Variants in PCIF1 observed in about 807,000 individuals in gnomAD.
PCIF1 encodes phosphorylated CTD interacting factor 1.
Under a neutral mutation model 86.9 loss-of-function variants are expected in PCIF1, and 12 were observed. The ratio of observed to expected loss-of-function variants is 0.14; its 90% CI spans 0.09 to 0.22. PCIF1 has a LOEUF of 0.22. Ranked by LOEUF, PCIF1 falls within the 10% of genes least tolerant of loss-of-function variation. The pLI, the probability that PCIF1 is intolerant of heterozygous loss-of-function variation, is 1.00. For missense variants in PCIF1, 701 were observed against 951.1 expected (o/e 0.74, Z 3.46); for synonymous variants, 397 against 372.0 (o/e 1.07, Z -0.77).
At position 45,947,122 on chromosome 20, in the gene PCIF1, C is replaced by T; in HGVS notation, c.1663C>T (p.Pro555Ser). The T allele has an allele frequency of 1.2e-6, 2 of 1,613,722 alleles. No homozygotes were observed. Among genetic ancestry groups the T allele is most frequent in the South Asian group, 2.2e-5 (2 of 91,072 alleles). ...GAGTGGTTCATTTGAGGCCAACCCT[C>T]CCTTCTGCGAGGAGCTCATGGATGC... ...PLSGSFEANP[P>S]FCEELMDAMV... is the part of the protein sequence containing the mutation. Residue 555 changes from proline (P) to serine (S), a missense_variant, in exon 15 of 17, where the codon CCC (proline) becomes TCC (serine). By Grantham distance (74) the Pro-to-Ser change is moderately conservative. Coordinates refer to ENST00000372409, the MANE Select transcript of PCIF1 (RefSeq NM_022104.4). The surrounding 1 kb of genome is among the most constrained non-coding windows in gnomAD (Gnocchi z 5.4).
chr20:45,934,694 GC>G lies in PCIF1; in HGVS notation c.-295del, dbSNP rs905382340. ...AGCGCATGCGCAGCGCGGAGTCCCGGCCCGGGACACAAGATGGCGGCAGCGG... is the reference window on the plus strand; with the variant it reads ...AGCGCATGCGCAGCGCGGAGTCCCGGCCGGGACACAAGATGGCGGCAGCGG... On this transcript the variant is annotated 5_prime_UTR_variant, in exon 1 of 17. Coordinates refer to ENST00000372409, the MANE Select transcript of PCIF1 (RefSeq NM_022104.4). 1.5e-5 allele frequency: 6 copies of G among 398,732 alleles called. No homozygotes were observed. The highest frequency in any genetic ancestry group is 1.2e-4 in the African/African-American group (6 of 48,728). 24.7% of individuals were successfully genotyped at this position (398,732 alleles called of 1,614,324 possible). A position where few individuals can be genotyped will look rare whatever the true frequency, so the allele number is the denominator to read the frequency against.
intron 7 of PCIF1, among the ~76,000 whole-genome samples, chr20:45,941,461 T>G (rs1273596601): frequency 2.6e-4 from 40 of 152,238 alleles, no homozygotes; most frequent in Non-Finnish European, 4.4e-5. Context: ...TTTTATTTAT[T>G]TATTTTTTTT....
chr20:45,940,747 G>C, intron 5 of PCIF1, 62 bp from the exon 6 acceptor site: 1 of 1,598,502 alleles, frequency 6.3e-7, no homozygotes, highest in African/African-American at 1.3e-5. Flanking sequence ...GGTGTGCACT[G>C]TATTGGATGG....
chr20:45,935,420 C>T (rs2083415402), intron 1 of PCIF1, among the ~76,000 whole-genome samples: 1 of 152,130 alleles, frequency 6.6e-6, no homozygotes, highest in African/African-American at 2.4e-5. Context: ...AGCGGTAATT[C>T]TCAAACTGCG....
rs769122920 is a variant in PCIF1 at position 45,947,220 on chromosome 20, T to G, written c.1708-43T>G. On this transcript the variant is annotated intron_variant, in intron 15 of 16. Coordinates refer to ENST00000372409, the MANE Select transcript of PCIF1 (RefSeq NM_022104.4). This position sits in a 1 kb window ranked among gnomAD's most constrained non-coding sequence, Gnocchi z 5.4. ...GCAACAGGCAGGATTGCCAGCCACC[T>G]GGGAGGTAGTCCCTGACATCCACCC... is the stretch of plus-strand genomic sequence containing the variant. The G allele has an allele frequency of 4.2e-5, 67 of 1,600,540 alleles. No individual in the cohort carries two copies. The highest frequency in any genetic ancestry group is 5.5e-5 in the Non-Finnish European group (64 of 1,169,816).
In PCIF1 at chr20:45,946,050, T is replaced by A; in HGVS notation, c.1363T>A (p.Cys455Ser). The change falls in exon 13 of 17, where the codon TGC becomes AGC. Residue 455 changes from cysteine (C) to serine (S), a missense_variant. By Grantham distance (112) the Cys-to-Ser change is moderately radical. Coordinates refer to ENST00000372409, the MANE Select transcript of PCIF1 (RefSeq NM_022104.4). Reference protein sequence around the residue: ...SKLWLLYRYSCIDDSAFERFL... With the variant: ...SKLWLLYRYSSIDDSAFERFL... ...ACAGTGGCTCCTTTACCGCTACAGC[T>A]GCATTGATGACTCTGCCTTTGAGAG... 1 of 1,614,184 alleles carries A rather than the reference T, an allele frequency of 6.2e-7. No individual in the cohort carries two copies. The highest frequency in any genetic ancestry group is 8.5e-7 in the Non-Finnish European group (1 of 1,180,034).
rs755385891 is a variant in PCIF1, at chr20:45,943,254, C to T, written c.821+10C>T. 1 of 1,614,194 alleles carries T rather than the reference C, an allele frequency of 6.2e-7. No individual in the cohort carries two copies. The highest frequency in any genetic ancestry group is 8.5e-7 in the Non-Finnish European group (1 of 1,180,032). On this transcript the variant is annotated intron_variant, in intron 8 of 16. Coordinates refer to ENST00000372409, the MANE Select transcript of PCIF1 (RefSeq NM_022104.4). This position sits in a 1 kb window ranked among gnomAD's most constrained non-coding sequence, Gnocchi z 5.5. ...ACGACATTCCTATCAGGTACAGCTCCACAGCTGGGGATGACCCTGGGCCAT... is the reference window on the plus strand; with the variant it reads ...ACGACATTCCTATCAGGTACAGCTCTACAGCTGGGGATGACCCTGGGCCAT...
Position 45,940,723 on chromosome 20 carries a change from G to GAC in PCIF1, c.388-82_388-81dup, listed in dbSNP as rs1245044566. The GAC allele has an allele frequency of 1.9e-6, 3 of 1,569,476 alleles. No homozygotes were observed. In the African/African-American group the frequency reaches 4.1e-5, roughly 21 times the overall value. On this transcript the variant is annotated intron_variant, in intron 5 of 16. Transcript: ENST00000372409. ...CAGGCCAGCCAGGAGGGGGGCCTGG[G>GAC]ACACAGTTCACCAGGTGTGCACTGT...
At chr20:45,938,249 T>C (rs2083442544) in intron 2 of PCIF1, among the ~76,000 whole-genome samples, 1 of 152,228 alleles carries the variant, frequency 6.6e-6, no homozygotes, top group Non-Finnish European at 1.5e-5. Context: ...GTCAATTAGA[T>C]AGTCCTTCTT....
At chr20:45,936,341 A>ATTTTTTTTTT (rs746165752) in intron 1 of PCIF1, among the ~76,000 whole-genome samples, 1 of 109,708 alleles carries the variant, frequency 9.1e-6, no homozygotes, top group African/African-American at 3.5e-5. Context: ...CGCCGGGCTA[A>ATTTTTTTTTT]TTTTTTTTTT....
At chr20:45,945,944 C>T (rs2083521340) in intron 12 of PCIF1, 61 bp downstream of exon 12, 9 of 1,612,968 alleles carry the variant, frequency 5.6e-6, no homozygotes, top group African/African-American at 1.3e-5. Flanking sequence ...AGGATCTTTC[C>T]TGAGCAGAGT....
chr20:45,945,051 G>A (rs371860059), intron 11 of PCIF1, 21 bp downstream of exon 11: 18 of 1,584,392 alleles, frequency 1.1e-5, no homozygotes, highest in Non-Finnish European at 1.5e-5. Flanking sequence ...GGTGAAGGAG[G>A]AGCCAGCTGT....
chr20:45,947,604 C>T lies in PCIF1; in HGVS notation c.1964C>T (p.Pro655Leu), dbSNP rs1448782034. 3.1e-6 allele frequency: 5 copies of T among 1,613,210 alleles called. No homozygotes were observed. The highest frequency in any genetic ancestry group is 1.3e-5 in the African/African-American group (1 of 75,058). ...QNDPGFAKWAPTPERLQELSA... is the reference protein window; with the variant it reads ...QNDPGFAKWALTPERLQELSA... Reference sequence around the variant, plus strand: ...GACCCTGGCTTTGCCAAGTGGGCGCCGACGCCTGAACGGCTGCAGGAGCTG... The same window carrying T: ...GACCCTGGCTTTGCCAAGTGGGCGCTGACGCCTGAACGGCTGCAGGAGCTG... Residue 655 changes from proline to leucine, a missense_variant, in exon 17 of 17, where the codon CCG becomes CTG. Transcript: ENST00000372409. This position sits in a 1 kb window ranked among gnomAD's most constrained non-coding sequence, Gnocchi z 5.4.
At chr20:45,938,510 T>C (rs918467408) in intron 2 of PCIF1, among the ~76,000 whole-genome samples, 1 of 152,208 alleles carries the variant, frequency 6.6e-6, no homozygotes. Context: ...GAATCAGTAG[T>C]GCTCCTGTTG....
intron 1 of PCIF1, among the ~76,000 whole-genome samples, chr20:45,936,250 C>T (rs1274815383): frequency 6.6e-6 from 1 of 152,046 alleles, no homozygotes; most frequent in East Asian, 1.9e-4. Flanking sequence ...TCTCAGCTCA[C>T]TGCAACCTCC....
intron 2 of PCIF1, among the ~76,000 whole-genome samples, chr20:45,938,639 G>C (rs550554903): frequency 6.6e-6 from 1 of 152,310 alleles, no homozygotes; most frequent in East Asian, 1.9e-4. Flanking sequence ...CCATCTGAGT[G>C]CTACGACAGA....
At position 45,947,181 on chromosome 20, in the gene PCIF1, A is replaced by G. The variant is rs373279577; in HGVS notation, c.1707+15A>G. 3 of 1,608,106 alleles carry G rather than the reference A, an allele frequency of 1.9e-6. No homozygotes were observed. Among genetic ancestry groups the G allele is most frequent in the Non-Finnish European group, 2.6e-6 (3 of 1,175,550 alleles). On this transcript the variant is annotated intron_variant, in intron 15 of 16. Transcript: ENST00000372409. This position sits in a 1 kb window ranked among gnomAD's most constrained non-coding sequence, Gnocchi z 5.4. ...CTCACTTTGAGGTGGGTGCACTGCC[A>G]GGGTGAGAGGTGGGCAACAGGCAGG...
rs765882874 is a variant in PCIF1, at chr20:45,937,538, C to T, written c.-67C>T. On this transcript the variant is annotated 5_prime_UTR_variant, in exon 2 of 17. Coordinates refer to ENST00000372409, the MANE Select transcript of PCIF1 (RefSeq NM_022104.4). ...CTGTGGGACCCTGTGGGGGTCCATC[C>T]GGCTGGAGAAGAAAAGCCTCTCATG... 147 of 399,070 alleles carry T rather than the reference C, an allele frequency of 3.7e-4. No homozygotes were observed. Among genetic ancestry groups the T allele is most frequent in the South Asian group, 6.4e-4 (5 of 7,860 alleles). The allele number at this position is 399,070 out of a possible 1,614,324, so 24.7% of individuals were successfully genotyped here.
At chr20:45,937,376 G>A in intron 1 of PCIF1, 42 bp from the exon 2 acceptor site, 1 of 399,274 alleles carries the variant, frequency 2.5e-6, no homozygotes, top group Non-Finnish European at 4.4e-6. Flanking sequence ...CTGCCCTGCA[G>A]CATCCCACAG....
Sources: gnomAD v4.1 joint callset for allele counts (sites outside exome capture counted in the v4.1 genomes callset) on GRCh38, gnomAD v4.1.1 for gene constraint, Gnocchi (gnomAD v3.1) non-coding constraint, MANE v1.5 for transcripts, NCBI Gene and HGNC (gene_info 2026-07-23, HGNC 2026-07-21) for gene names.